KLHL13: variants seen among roughly 807,000 people sequenced by gnomAD.
KLHL13 encodes the protein kelch-like protein 13.
In KLHL13, 10 loss-of-function variants were observed where a neutral mutation model predicts 37.1. The observed-to-expected ratio is 0.27, with a 90% CI of 0.17 to 0.46. KLHL13 has a LOEUF of 0.46. Among genes scored for constraint, KLHL13 ranks in the 20% least tolerant of loss-of-function variants. The pLI is 1.00. For missense variants in KLHL13, 360 were observed against 509.3 expected (o/e 0.71, Z 2.82); for synonymous variants, 163 against 181.2 (o/e 0.90, Z 0.81).
At chrX:117,952,811 T>C (rs1447975265) in intron 1 of KLHL13, among the ~76,000 whole-genome samples, 1 of 107,818 alleles carries the variant, frequency 9.3e-6, no homozygotes, top group African/African-American at 3.4e-5. Context: ...AAAATGCTCA[T>C]CATCACTGGC....
At chrX:117,945,362 T>C (rs966015453) in intron 2 of KLHL13, 72 bp downstream of exon 3, 18 of 1,040,626 alleles carry the variant, frequency 1.7e-5, no homozygotes, top group Non-Finnish European at 2.1e-5. Flanking sequence ...ACTACTGACA[T>C]CCTGCATCAC....
intron 1 of KLHL13, among the ~76,000 whole-genome samples, chrX:118,076,919 C>T (rs1234105135): frequency 9.2e-6 from 1 of 108,622 alleles, no homozygotes; most frequent in Non-Finnish European, 1.9e-5. Flanking sequence ...CTCTCTCTCT[C>T]TCCCTCTCTC....
chrX:118,068,860 G>T (rs1051132270), intron 1 of KLHL13, among the ~76,000 whole-genome samples: 23 of 110,667 alleles, frequency 2.1e-4, no homozygotes, highest in African/African-American at 6.9e-4. Context: ...GTGAACAACT[G>T]TCCCTTCCCT....
Sources: gnomAD v4.1 joint callset for allele counts (sites outside exome capture counted in the v4.1 genomes callset) on GRCh38, gnomAD v4.1.1 for gene constraint, MANE v1.5 for transcripts, NCBI Gene and HGNC (gene_info 2026-07-23, HGNC 2026-07-21) for gene names.